NEK11: variants seen among roughly 807,000 people sequenced by gnomAD.
NEK11 encodes the protein serine/threonine-protein kinase Nek11.
NEK11 carries 72 observed loss-of-function variants against 80.7 expected under a neutral mutation model. The ratio of observed to expected loss-of-function variants is 0.89; its 90% CI spans 0.74 to 1.08. NEK11 has a LOEUF of 1.08. Among genes scored for constraint, NEK11 ranks in the 50% least tolerant of loss-of-function variants. The probability of loss-of-function intolerance (pLI) is 0.00; values close to 1 mark genes in which losing one functional copy is unlikely to be tolerated. For synonymous variants in NEK11, 251 were observed against 260.7 expected (o/e 0.96, Z 0.36); for missense variants, 764 against 763.6 (o/e 1.00, Z -0.01).
chr3:131,248,385 A>C (rs1320763002), intron 16 of NEK11, among the ~76,000 whole-genome samples: 1 of 152,058 alleles, frequency 6.6e-6, no homozygotes, highest in Non-Finnish European at 1.5e-5. Context: ...GGTACATAGT[A>C]GGTGTTTGTG....
chr3:131,329,075 AAATT>A (rs1222986300), intron 17 of NEK11: 12 of 152,244 alleles, frequency 7.9e-5, no homozygotes, highest in Admixed American at 3.9e-4. Context: ...CCCTTTTTAA[AAATT>A]AATTAAGGCT....
chr3:131,203,120 G>A (rs898749551), intron 14 of NEK11, among the ~76,000 whole-genome samples: 4 of 152,020 alleles, frequency 2.6e-5, no homozygotes, highest in African/African-American at 7.2e-5. Flanking sequence ...CTATAAAGAC[G>A]CATGCACTTG....
chr3:131,084,520 G>A (rs1180427833), intron 4 of NEK11, among the ~76,000 whole-genome samples: 1 of 152,128 alleles, frequency 6.6e-6, no homozygotes, highest in African/African-American at 2.4e-5. Flanking sequence ...CTTCCATTTG[G>A]GTGAAGACAA....
At chr3:131,110,515 T>G (rs1390318923) in intron 5 of NEK11, among the ~76,000 whole-genome samples, 4 of 152,196 alleles carry the variant, frequency 2.6e-5, no homozygotes, top group Non-Finnish European at 4.4e-5. Flanking sequence ...AAATGTATTT[T>G]AAAACTTTTA....
chr3:131,239,579 C>G (rs886305534), intron 15 of NEK11, among the ~76,000 whole-genome samples: 1 of 152,152 alleles, frequency 6.6e-6, no homozygotes, highest in Admixed American at 6.5e-5. Context: ...CAAGCCTTCT[C>G]TAGATATGCC....
At chr3:131,211,598 G>A (rs2094617998) in intron 14 of NEK11, among the ~76,000 whole-genome samples, 1 of 152,186 alleles carries the variant, frequency 6.6e-6, no homozygotes, top group African/African-American at 2.4e-5. Context: ...GTCACTTTCA[G>A]TTACACCAAT....
intron 7 of NEK11, among the ~76,000 whole-genome samples, chr3:131,151,247 G>C (rs561153640): frequency 1.3e-5 from 2 of 152,060 alleles, no homozygotes; most frequent in East Asian, 3.9e-4. Flanking sequence ...TATAAAAATG[G>C]GAAAAATATT....
At chr3:131,158,641 A>G (rs755824709) in intron 10 of NEK11, among the ~76,000 whole-genome samples, 28 of 152,164 alleles carry the variant, frequency 1.8e-4, no homozygotes, top group Non-Finnish European at 2.8e-4. Context: ...CACCACCACC[A>G]GCAGGACCAC....
At chr3:131,092,109 A>G (rs1345276921) in intron 4 of NEK11, among the ~76,000 whole-genome samples, 1 of 152,184 alleles carries the variant, frequency 6.6e-6, no homozygotes. Context: ...TAATTTAACA[A>G]TTTCTCCCTA....
chr3:131,265,016 G>A (rs796156983), intron 16 of NEK11, among the ~76,000 whole-genome samples: 17 of 152,242 alleles, frequency 1.1e-4, no homozygotes, highest in African/African-American at 3.9e-4. Context: ...TTCTCTGTTT[G>A]TCTGTTATTG....
chr3:131,074,341 G>T (rs1407073166), intron 3 of NEK11, among the ~76,000 whole-genome samples: 2 of 152,054 alleles, frequency 1.3e-5, no homozygotes, highest in Non-Finnish European at 2.9e-5. Flanking sequence ...AAGGAAGAAA[G>T]AAAACAAGGA....
At chr3:131,309,034 G>A (rs1281770464) in intron 17 of NEK11, among the ~76,000 whole-genome samples, 1 of 152,194 alleles carries the variant, frequency 6.6e-6, no homozygotes, top group Non-Finnish European at 1.5e-5. Context: ...AGGTGGTAAT[G>A]CTCTCTCACC....
chr3:131,130,275 CAACCTTGT>C (rs942785725), intron 5 of NEK11, among the ~76,000 whole-genome samples: 1 of 152,074 alleles, frequency 6.6e-6, no homozygotes, highest in African/African-American at 2.4e-5. Flanking sequence ...TTTTGTGTAT[CAACCTTGT>C]ATTCTGCAAC....
At chr3:131,080,039 TTGTGTGTGTG>T (rs34144326) in intron 3 of NEK11, among the ~76,000 whole-genome samples, 1 of 148,852 alleles carries the variant, frequency 6.7e-6, no homozygotes, top group Non-Finnish European at 1.5e-5. Flanking sequence ...GTGTGTGTGT[TTGTGTGTGTG>T]TGTGTGTGTG....
intron 17 of NEK11, among the ~76,000 whole-genome samples, chr3:131,281,476 T>G (rs2096394807): frequency 6.6e-6 from 1 of 152,170 alleles, no homozygotes; most frequent in Non-Finnish European, 1.5e-5. Flanking sequence ...TCTGTGTAGA[T>G]GTACTATTGT....
At chr3:131,338,265 GGTTTTTT>G (rs1170320700) in intron 17 of NEK11, among the ~76,000 whole-genome samples, 1 of 91,606 alleles carries the variant, frequency 1.1e-5, no homozygotes, top group Non-Finnish European at 1.9e-5. Flanking sequence ...GCGCCCAGCT[GGTTTTTT>G]TTTTTTTTTT....
At chr3:131,152,806 A>T in intron 9 of NEK11, 97 bp downstream of exon 9, 1 of 893,010 alleles carries the variant, frequency 1.1e-6, no homozygotes, top group Non-Finnish European at 1.7e-6. Context: ...ATTCAGTAAG[A>T]ATCAACCAGA....
intron 5 of NEK11, 41 bp from the exon 6 acceptor site, chr3:131,132,704 A>T: frequency 9.4e-7 from 1 of 1,061,562 alleles, no homozygotes; most frequent in Non-Finnish European, 1.4e-6. Context: ...TAAAAATGTT[A>T]TATTCTGCAT....
intron 5 of NEK11, among the ~76,000 whole-genome samples, chr3:131,123,337 T>C (rs891123309): frequency 3.3e-5 from 5 of 152,176 alleles, no homozygotes; most frequent in Non-Finnish European, 5.9e-5. Flanking sequence ...CGTCTAATTT[T>C]TGTATTTTTA....
Sources: gnomAD v4.1 joint callset for allele counts (sites outside exome capture counted in the v4.1 genomes callset) on GRCh38, gnomAD v4.1.1 for gene constraint, MANE v1.5 for transcripts, NCBI Gene and HGNC (gene_info 2026-07-23, HGNC 2026-07-21) for gene names.